Variants in GPHN observed in about 807,000 individuals in gnomAD.
GPHN encodes the protein gephyrin.
GPHN carries 17 observed loss-of-function variants against 95.5 expected under a neutral mutation model. The observed-to-expected ratio is 0.18, with a 90% CI of 0.12 to 0.27. GPHN has a LOEUF of 0.27. GPHN is among the 10% of genes least tolerant of loss of function. GPHN has a pLI of 1.00. For synonymous variants in GPHN, 320 were observed against 322.5 expected (o/e 0.99, Z 0.08); for missense variants, 660 against 978.1 (o/e 0.67, Z 4.34).
the GPHN span, among the ~76,000 whole-genome samples, chr14:67,275,968 C>T: frequency 6.6e-6 from 1 of 151,856 alleles, no homozygotes; most frequent in African/African-American, 2.4e-5. Flanking sequence ...GTGGTGATAC[C>T]CCCTTTATCA....
At chr14:67,167,468 G>T (rs1302238392) in intron 20 of GPHN, among the ~76,000 whole-genome samples, 5 of 152,208 alleles carry the variant, frequency 3.3e-5, no homozygotes, top group East Asian at 1.9e-4. Flanking sequence ...CTGCTATTCT[G>T]TGGGCAACTC....
intron 11 of GPHN, among the ~76,000 whole-genome samples, chr14:67,074,245 T>C (rs1196742065): frequency 6.6e-6 from 1 of 152,052 alleles, no homozygotes; most frequent in African/African-American, 2.4e-5. Flanking sequence ...GCAAGTCTCT[T>C]GGCACCATTT....
At chr14:66,562,256 G>A (rs150925105) in intron 1 of GPHN, among the ~76,000 whole-genome samples, 1,612 of 152,020 alleles carry the variant, frequency 0.011, 12 homozygotes, top group African/African-American at 0.015. Context: ...TAAATTCTGC[G>A]GATCTATTTC....
At chr14:66,931,894 A>G (rs527270520) in intron 8 of GPHN, among the ~76,000 whole-genome samples, 24 of 152,214 alleles carry the variant, frequency 1.6e-4, no homozygotes, top group Non-Finnish European at 3.1e-4. Context: ...TAGCAAAGCC[A>G]TGCTTTTGTG....
At chr14:67,273,781 C>T in the GPHN span, among the ~76,000 whole-genome samples, 1 of 152,146 alleles carries the variant, frequency 6.6e-6, no homozygotes, top group African/African-American at 2.4e-5. Context: ...CTCTCCGGCA[C>T]CTGTTGTTTC....
At chr14:67,456,184 G>A in the GPHN span, among the ~76,000 whole-genome samples, 1 of 152,160 alleles carries the variant, frequency 6.6e-6, no homozygotes, top group Non-Finnish European at 1.5e-5. Context: ...CTCAAAAGAC[G>A]ACATCCATCT....
chr14:66,688,658 G>T (rs1465114780), intron 2 of GPHN, among the ~76,000 whole-genome samples: 3 of 152,098 alleles, frequency 2.0e-5, no homozygotes, highest in Non-Finnish European at 4.4e-5. Context: ...AACAAATTTG[G>T]ATAGTCCTTT....
chr14:67,225,412 G>C, the GPHN span: 1 of 518,688 alleles, frequency 1.9e-6, no homozygotes. Context: ...TTAGGGGTTT[G>C]TTGTGGTTTC....
At chr14:67,481,257 T>C in the GPHN span, among the ~76,000 whole-genome samples, 1 of 152,062 alleles carries the variant, frequency 6.6e-6, no homozygotes, top group Non-Finnish European at 1.5e-5. Flanking sequence ...CACTCCAGCA[T>C]GGACAATGAG....
At chr14:66,777,860 C>T (rs1041786594) in intron 3 of GPHN, among the ~76,000 whole-genome samples, 2 of 152,126 alleles carry the variant, frequency 1.3e-5, no homozygotes, top group African/African-American at 4.8e-5. Flanking sequence ...AACCAACAGC[C>T]AATATCATAC....
the GPHN span, among the ~76,000 whole-genome samples, chr14:67,341,377 G>T: frequency 6.6e-6 from 1 of 152,176 alleles, no homozygotes; most frequent in African/African-American, 2.4e-5. Context: ...CATCTGAGAA[G>T]TGAGGAGCCC....
chr14:66,516,351 C>T (rs754095184), intron 1 of GPHN, among the ~76,000 whole-genome samples: 2 of 152,044 alleles, frequency 1.3e-5, no homozygotes, highest in Non-Finnish European at 2.9e-5. Context: ...TTCTGAATAT[C>T]TGTTACTGTG....
At chr14:66,886,460 G>A (rs913271185) in intron 5 of GPHN, among the ~76,000 whole-genome samples, 5 of 151,868 alleles carry the variant, frequency 3.3e-5, no homozygotes, top group African/African-American at 1.2e-4. Context: ...ATGTACTCAG[G>A]AGTTCTAAGT....
intron 2 of GPHN, among the ~76,000 whole-genome samples, chr14:66,743,175 G>A (rs1399827677): frequency 7.1e-6 from 1 of 139,924 alleles, no homozygotes. Flanking sequence ...GATTCCCTGT[G>A]TAGAGAGTTC....
chr14:67,683,577 A>G, the GPHN span, among the ~76,000 whole-genome samples: 3 of 152,178 alleles, frequency 2.0e-5, no homozygotes, highest in Admixed American at 2.0e-4. Context: ...GTTTGAAGAG[A>G]GCATTAATAA....
At chr14:67,586,520 C>A in the GPHN span, 1 of 775,498 alleles carries the variant, frequency 1.3e-6, no homozygotes, top group Non-Finnish European at 1.9e-6. Context: ...GACAGTCCCA[C>A]AGTGCTCCCT....
chr14:67,418,455 TC>T, the GPHN span, among the ~76,000 whole-genome samples: 3 of 152,306 alleles, frequency 2.0e-5, no homozygotes, highest in Middle Eastern at 3.4e-3. Context: ...CACATCCCTG[TC>T]CCATTGACTC....
At chr14:66,914,543 A>T (rs1172745691) in intron 5 of GPHN, among the ~76,000 whole-genome samples, 1 of 152,134 alleles carries the variant, frequency 6.6e-6, no homozygotes, top group Non-Finnish European at 1.5e-5. Context: ...TTTCCTTCAT[A>T]GAAATATTGG....
chr14:67,316,590 T>A, the GPHN span, among the ~76,000 whole-genome samples: 1 of 152,226 alleles, frequency 6.6e-6, no homozygotes, highest in East Asian at 1.9e-4. Flanking sequence ...ATTAAATTTT[T>A]AAATATTTTA....
Sources: allele counts gnomAD v4.1 joint callset (sites outside exome capture counted in the v4.1 genomes callset), GRCh38; gene constraint gnomAD v4.1.1; transcripts MANE v1.5; gene names NCBI Gene and HGNC (gene_info 2026-07-23, HGNC 2026-07-21).